The following DOCK10 variants were observed in gnomAD, a reference collection of about 807,000 sequenced individuals.
DOCK10 encodes dedicator of cytokinesis protein 10.
A neutral mutation model predicts 280.1 loss-of-function variants in DOCK10; 145 were observed. The observed-to-expected ratio is 0.52, with a 90% CI of 0.45 to 0.59. The LOEUF (loss-of-function observed/expected upper bound fraction) is 0.59, where lower values mean the gene tolerates loss of function less well. Among genes scored for constraint, DOCK10 ranks in the 20% least tolerant of loss-of-function variants. The probability of loss-of-function intolerance (pLI) is 0.00; values close to 1 mark genes in which losing one functional copy is unlikely to be tolerated. For synonymous variants in DOCK10, 915 were observed against 942.2 expected, an observed-to-expected ratio of 0.97 and a Z score of 0.53; for missense variants, 2,368 against 2,651.7, an observed-to-expected ratio of 0.89 and a Z score of 2.35.
At chr2:224,875,340 C>T (rs1698554871) in intron 8 of DOCK10, among the ~76,000 whole-genome samples, 1 of 152,188 alleles carries the variant, frequency 6.6e-6, no homozygotes, top group Admixed American at 6.5e-5. Flanking sequence ...GCTTTGGTTT[C>T]TAATGTACCA....
chr2:224,818,390 GC>G (rs1694282575), intron 29 of DOCK10, among the ~76,000 whole-genome samples: 1 of 146,484 alleles, frequency 6.8e-6, no homozygotes, highest in African/African-American at 2.6e-5. Context: ...AAAAGGCCTG[GC>G]CCCTGCCTTT....
At chr2:224,893,696 C>T (rs1240624001) in intron 4 of DOCK10, 5 of 422,916 alleles carry the variant, frequency 1.2e-5, no homozygotes, top group South Asian at 3.6e-5. Flanking sequence ...CAATAATACA[C>T]ATTTAAATTT....
chr2:224,888,219 CTGTGTGTG>C (rs113299591), intron 4 of DOCK10, among the ~76,000 whole-genome samples: 7 of 140,084 alleles, frequency 5.0e-5, no homozygotes, highest in African/African-American at 1.6e-4. Context: ...TAATATAGGC[CTGTGTGTG>C]TGTGTGTGTG....
In DOCK10 at chr2:224,773,427, C is replaced by T; in HGVS notation, c.6014-80G>A. 4 of 1,309,666 alleles carry T rather than the reference C, an allele frequency of 3.1e-6. No homozygotes were observed. The South Asian group carries it at 4.1e-5, about 13-fold the overall frequency. 81.1% of individuals were successfully genotyped at this position (1,309,666 alleles called of 1,614,324 possible). A position where few individuals can be genotyped will look rare whatever the true frequency, so the allele number is the denominator to read the frequency against. On this transcript the variant is annotated intron_variant, in intron 52 of 55. Coordinates refer to ENST00000258390, the MANE Select transcript of DOCK10 (RefSeq NM_014689.3). ...GGGTTTCCCTGAAGGACCAGAGGAT[C>T]ATGTATCATTTCACGGCACATGGCA...
intron 1 of DOCK10, among the ~76,000 whole-genome samples, chr2:225,039,280 G>A (rs1301661133): frequency 6.6e-6 from 1 of 152,180 alleles, no homozygotes; most frequent in Non-Finnish European, 1.5e-5. Flanking sequence ...CTACCCTAGA[G>A]AAGCTTGCTT....
rs371947771 is a variant in DOCK10 at position 224,805,227 on chromosome 2, T to A, written c.4030A>T (p.Ile1344Phe). Residue 1344 changes from isoleucine to phenylalanine, a missense_variant, in exon 36 of 56, where the codon ATT becomes TTT. Physicochemically the swap from Ile to Phe is conservative, Grantham distance 21. Transcript: ENST00000258390. This position sits in a 1 kb window ranked among gnomAD's most constrained non-coding sequence, Gnocchi z 4.3. ...TRSLLMCFLH[I>F]MKTISYETLI... Reference sequence around the variant, plus strand: ...TTACCGTACGAAATCGTTTTCATAATGTGAAGAAAACACATCAGGAGACTC... The same window carrying A: ...TTACCGTACGAAATCGTTTTCATAAAGTGAAGAAAACACATCAGGAGACTC... The A allele has an allele frequency of 7.0e-5, 113 of 1,610,964 alleles. No individual in the cohort carries two copies. In the Admixed American group the frequency reaches 1.9e-3, roughly 27 times the overall value.
In DOCK10 at chr2:224,797,004, T is replaced by A. The variant is rs367560614; in HGVS notation, c.4787A>T (p.Glu1596Val). ...LLYFFMRKNF[E>V]FNKQKSIVRS... ...GACAATTGACTTCTGCTTGTTAAAT[T>A]CAAAATTCTTCCTCATGAAAAAGTA... Residue 1596 changes from glutamate to valine, a missense_variant, in exon 43 of 56, where the codon GAA becomes GTA. Coordinates refer to ENST00000258390, the MANE Select transcript of DOCK10 (RefSeq NM_014689.3). The A allele has an allele frequency of 2.2e-5, 35 of 1,613,294 alleles. No individual in the cohort carries two copies. The highest frequency in any genetic ancestry group is 2.0e-4 in the South Asian group (18 of 90,988).
chr2:224,874,426 G>A, intron 9 of DOCK10, 77 bp from the exon 10 acceptor site: 1 of 1,158,550 alleles, frequency 8.6e-7, no homozygotes, highest in Non-Finnish European at 1.3e-6. Context: ...TGGCCAAGAA[G>A]CAGCCCCTTA....
At chr2:225,039,385 CT>C (rs1479638254) in intron 1 of DOCK10, among the ~76,000 whole-genome samples, 1 of 152,102 alleles carries the variant, frequency 6.6e-6, no homozygotes, top group Non-Finnish European at 1.5e-5. Context: ...CATTTATTTT[CT>C]ATGGGGAATT....
At chr2:224,866,618 A>G (rs1472319379) in intron 11 of DOCK10, among the ~76,000 whole-genome samples, 2 of 152,326 alleles carry the variant, frequency 1.3e-5, no homozygotes, top group East Asian at 3.9e-4. Context: ...ATGGCGACCA[A>G]TGGTGATTTT....
At chr2:224,934,301 A>G (rs1266604904) in intron 1 of DOCK10, among the ~76,000 whole-genome samples, 1 of 152,174 alleles carries the variant, frequency 6.6e-6, no homozygotes, top group Admixed American at 6.5e-5. Context: ...TTATTTTGAC[A>G]TGGAACTGCA....
intron 19 of DOCK10, among the ~76,000 whole-genome samples, chr2:224,846,079 T>C (rs1696330865): frequency 6.6e-6 from 1 of 152,264 alleles, no homozygotes; most frequent in Admixed American, 6.5e-5. Flanking sequence ...GATGCACTCA[T>C]TTAATGCTCA....
At chr2:224,856,202 G>T (rs1014846727) in intron 15 of DOCK10, among the ~76,000 whole-genome samples, 4 of 152,182 alleles carry the variant, frequency 2.6e-5, no homozygotes, top group Non-Finnish European at 5.9e-5. Context: ...ATAATTTAAT[G>T]TCAGCGTTGC....
chr2:224,787,440 T>C (rs746476492), intron 48 of DOCK10, 43 bp from the exon 49 acceptor site: 58 of 1,606,196 alleles, frequency 3.6e-5, no homozygotes, highest in Non-Finnish European at 4.8e-5. Flanking sequence ...ATGATTAGGG[T>C]TGTGGCTCAT....
At position 224,876,145 on chromosome 2, in the gene DOCK10, T is replaced by C. The variant is rs1190848590; in HGVS notation, c.824A>G (p.Glu275Gly). 1.2e-6 allele frequency: 2 copies of C among 1,613,968 alleles called. No homozygotes were observed. The highest frequency in any genetic ancestry group is 3.3e-5 in the Admixed American group (2 of 60,006). Residue 275 changes from glutamate (E) to glycine (G), a missense_variant, in exon 8 of 56, where the codon GAG (glutamate) becomes GGG (glycine). Glu to Gly is a moderately conservative substitution (Grantham distance 98). Around this residue, in one of 2 missense-constraint regions of DOCK10, gnomAD observed 1,209 missense variants for 1,250.9 expected, o/e 0.97. Coordinates refer to ENST00000258390, the MANE Select transcript of DOCK10 (RefSeq NM_014689.3). ...LTYFVLAAET[E>G]SDMDEWIHTL... The stretch of plus-strand genomic sequence containing the variant: ...GTGGATCCATTCATCCATATCTGAC[T>C]CTGTTTCAGCTGCCAGCACAAAATA...
intron 1 of DOCK10, among the ~76,000 whole-genome samples, chr2:224,954,080 A>G (rs1187047790): frequency 6.6e-6 from 1 of 152,216 alleles, no homozygotes; most frequent in Non-Finnish European, 1.5e-5. Flanking sequence ...TCAGACAGGT[A>G]TAAAGTTGTA....
At chr2:225,003,170 C>T (rs1706484291) in intron 1 of DOCK10, among the ~76,000 whole-genome samples, 1 of 152,106 alleles carries the variant, frequency 6.6e-6, no homozygotes. Context: ...CCTCAGCCTC[C>T]CGAGTAGCTG....
intron 1 of DOCK10, among the ~76,000 whole-genome samples, chr2:224,958,771 G>A (rs1487891699): frequency 1.3e-5 from 2 of 152,044 alleles, no homozygotes; most frequent in East Asian, 1.9e-4. Context: ...ATGTTTCAAC[G>A]GTGCGGGATC....
At position 224,933,923 on chromosome 2, in the gene DOCK10, G is replaced by A. The variant is rs756428469; in HGVS notation, c.124-2255C>T. Among the ~76,000 whole-genome samples the A allele has an allele frequency of 6.6e-4, 101 of 152,094 alleles. 2 individuals carry two copies. The highest frequency in any genetic ancestry group is 3.1e-4 in the Non-Finnish European group (21 of 68,014). ...AAATCCAGCATTATTTAAGGAGTTGGAGACAAGAAGATCTTTCAAAGAAGA... is the reference window on the plus strand; with the variant it reads ...AAATCCAGCATTATTTAAGGAGTTGAAGACAAGAAGATCTTTCAAAGAAGA... On this transcript the variant is annotated intron_variant, in intron 1 of 55. Transcript: ENST00000258390.
Sources: gnomAD v4.1 joint callset for allele counts (sites outside exome capture counted in the v4.1 genomes callset) on GRCh38, gnomAD v4.1.1 for gene constraint, gnomAD v4.1.1 regional missense constraint, Gnocchi (gnomAD v3.1) non-coding constraint, MANE v1.5 for transcripts, NCBI Gene and HGNC (gene_info 2026-07-23, HGNC 2026-07-21) for gene names.